Variants in FAF1 observed in about 807,000 individuals in gnomAD.
FAF1 encodes the protein FAS-associated factor 1.
FAF1 carries 25 observed loss-of-function variants against 92.5 expected under a neutral mutation model. The ratio of observed to expected loss-of-function variants is 0.27; its 90% confidence interval spans 0.20 to 0.38. FAF1 has a LOEUF of 0.38. Ranked by LOEUF, FAF1 falls within the 10% of genes least tolerant of loss-of-function variation. The pLI, the probability that FAF1 is intolerant of heterozygous loss-of-function variation, is 1.00. For missense variants in FAF1, 636 were observed against 793.3 expected (o/e 0.80, Z 2.38); for synonymous variants, 234 against 273.2 (o/e 0.86, Z 1.42).
chr1:50,442,530 T>C (rs1487819537), intron 18 of FAF1, among the ~76,000 whole-genome samples: 1 of 152,218 alleles, frequency 6.6e-6, no homozygotes, highest in Non-Finnish European at 1.5e-5. Context: ...GTAAAGATGG[T>C]GGACACACAG....
rs554191272 is a variant in FAF1, at chr1:50,834,343, T to C, written c.114+23586A>G. On this transcript the variant is annotated intron_variant, in intron 2 of 18. Transcript: ENST00000396153. The stretch of plus-strand genomic sequence containing the variant: ...TTATAGCAATGCAAGAATGGACTAA[T>C]ACACCCTTCCAACACATCCTACACA... 6.6e-5 allele frequency among the ~76,000 whole-genome samples: 10 copies of C among 152,298 alleles called. No individual in the cohort carries two copies. In the East Asian group the frequency reaches 9.6e-4, roughly 15 times the overall value.
At chr1:50,895,116 A>C (rs904869609) in intron 1 of FAF1, among the ~76,000 whole-genome samples, 3 of 152,166 alleles carry the variant, frequency 2.0e-5, no homozygotes, top group African/African-American at 7.2e-5. Context: ...AAAAGAAAAA[A>C]AAATTGACAA....
chr1:50,696,273 T>C (rs911130198), intron 7 of FAF1, among the ~76,000 whole-genome samples: 2 of 152,186 alleles, frequency 1.3e-5, no homozygotes, highest in Middle Eastern at 3.2e-3. Context: ...TAATGCTACA[T>C]ATCCTCCCAG....
intron 2 of FAF1, among the ~76,000 whole-genome samples, chr1:50,848,528 C>A (rs189012860): frequency 4.5e-4 from 68 of 152,280 alleles, no homozygotes; most frequent in Non-Finnish European, 5.3e-4. Flanking sequence ...ATATTTCCCA[C>A]AAGATACTTA....
intron 1 of FAF1, among the ~76,000 whole-genome samples, chr1:50,860,588 T>C (rs1347769960): frequency 1.3e-5 from 2 of 151,842 alleles, no homozygotes; most frequent in African/African-American, 2.4e-5. Flanking sequence ...TATTAAAATA[T>C]ATTTTTTAAA....
At chr1:50,723,039 G>A (rs1312880009) in intron 6 of FAF1, among the ~76,000 whole-genome samples, 1 of 152,110 alleles carries the variant, frequency 6.6e-6, no homozygotes, top group African/African-American at 2.4e-5. Flanking sequence ...TGAAATAGTA[G>A]GAAATAGACA....
chr1:50,798,941 G>A (rs1395354903), intron 3 of FAF1, among the ~76,000 whole-genome samples: 5 of 152,042 alleles, frequency 3.3e-5, no homozygotes, highest in African/African-American at 1.2e-4. Context: ...GTGCAGTGGT[G>A]CAATCTTGGC....
chr1:50,475,429 T>G (rs61781012), intron 18 of FAF1, 35 bp downstream of exon 18: 6 of 1,524,246 alleles, frequency 3.9e-6, no homozygotes, highest in Non-Finnish European at 5.4e-6. Context: ...ATCTCCCACC[T>G]GGATATACTT....
chr1:50,958,460 G>T (rs568108476), intron 1 of FAF1, among the ~76,000 whole-genome samples: 40 of 152,184 alleles, frequency 2.6e-4, no homozygotes, highest in Middle Eastern at 3.4e-3. Context: ...GGTGGATCAC[G>T]AGGTCAGGAG....
intron 3 of FAF1, among the ~76,000 whole-genome samples, chr1:50,793,210 T>G (rs1661625968): frequency 6.6e-6 from 1 of 152,152 alleles, no homozygotes; most frequent in African/African-American, 2.4e-5. Flanking sequence ...GCCCCTGGAT[T>G]AAATGAGGCA....
Position 50,801,636 on chromosome 1 carries a change from T to C in FAF1, c.156A>G (p.Leu52=), listed in dbSNP as rs749863453. The C allele has an allele frequency of 1.3e-6, 2 of 1,567,046 alleles. No homozygotes were observed. The highest frequency in any genetic ancestry group is 1.1e-5 in the South Asian group (1 of 89,972). The change falls in exon 3 of 19, where the codon CTA becomes CTG. Residue 52 remains leucine (L), a synonymous_variant. Coordinates refer to ENST00000396153, the MANE Select transcript of FAF1 (RefSeq NM_007051.3). ...NGVIPQENGI[L]QSEYGGETIP... is the part of the protein sequence containing the mutation. ...GTAAGCACTTTATAACATACCTTTG[T>C]AGAATGCCATTTTCCTGTGGTATTA...
At chr1:50,517,096 A>G (rs1647245822) in intron 15 of FAF1, among the ~76,000 whole-genome samples, 2 of 152,070 alleles carry the variant, frequency 1.3e-5, no homozygotes, top group Non-Finnish European at 2.9e-5. Flanking sequence ...GATTTATGAA[A>G]AAGAGAATTT....
At chr1:50,681,004 G>C (rs572691397) in intron 7 of FAF1, among the ~76,000 whole-genome samples, 1 of 151,852 alleles carries the variant, frequency 6.6e-6, no homozygotes, top group East Asian at 1.9e-4. Flanking sequence ...ATATATTATA[G>C]ATTACAAACA....
intron 8 of FAF1, among the ~76,000 whole-genome samples, chr1:50,610,796 G>A (rs903443573): frequency 2.0e-5 from 3 of 151,956 alleles, no homozygotes; most frequent in African/African-American, 7.3e-5. Context: ...GTATGGACAT[G>A]TCACTTCAAA....
At chr1:50,849,181 C>T (rs529609568) in intron 2 of FAF1, among the ~76,000 whole-genome samples, 1 of 151,638 alleles carries the variant, frequency 6.6e-6, no homozygotes, top group South Asian at 2.1e-4. Flanking sequence ...GCAGGAGAAT[C>T]GCTTGAACCC....
chr1:50,720,792 C>T (rs1658376152), intron 6 of FAF1, among the ~76,000 whole-genome samples: 1 of 152,166 alleles, frequency 6.6e-6, no homozygotes, highest in South Asian at 2.1e-4. Context: ...CTGAGAGCTA[C>T]TCTGAGACCA....
intron 9 of FAF1, among the ~76,000 whole-genome samples, chr1:50,593,754 C>T (rs1354601761): frequency 6.6e-6 from 1 of 152,078 alleles, no homozygotes; most frequent in African/African-American, 2.4e-5. Context: ...ACCAGAGTGG[C>T]AAATTATAAT....
At chr1:50,598,991 T>C (rs944727032) in intron 8 of FAF1, among the ~76,000 whole-genome samples, 13 of 152,048 alleles carry the variant, frequency 8.5e-5, no homozygotes, top group African/African-American at 3.1e-4. Flanking sequence ...GAACATACTA[T>C]GTGATTCTCA....
intron 7 of FAF1, among the ~76,000 whole-genome samples, chr1:50,689,136 G>C (rs1475324463): frequency 6.6e-6 from 1 of 152,158 alleles, no homozygotes; most frequent in Non-Finnish European, 1.5e-5. Flanking sequence ...AATGTTACTT[G>C]ATGTAACTGA....
Sources: allele counts gnomAD v4.1 joint callset (sites outside exome capture counted in the v4.1 genomes callset), GRCh38; gene constraint gnomAD v4.1.1; transcripts MANE v1.5; gene names NCBI Gene and HGNC (gene_info 2026-07-23, HGNC 2026-07-21).